Variants in MED12L observed in about 807,000 individuals in gnomAD.
MED12L encodes mediator complex subunit 12L, also known as mediator of RNA polymerase II transcription subunit 12-like protein.
MED12L carries 60 observed loss-of-function variants against 281.3 expected under a neutral mutation model. The observed-to-expected ratio is 0.21, with a 90% CI of 0.17 to 0.26. MED12L has a LOEUF of 0.26. Ranked by LOEUF, MED12L falls within the 10% of genes least tolerant of loss-of-function variation. The pLI, the probability that MED12L is intolerant of heterozygous loss-of-function variation, is 1.00. For synonymous variants in MED12L, 974 were observed against 987.2 expected (o/e 0.99, Z 0.25); for missense variants, 2,146 against 2,680.9 (o/e 0.80, Z 4.41).
intron 5 of MED12L, among the ~76,000 whole-genome samples, chr3:151,141,187 G>GTTTTT (rs76965310): frequency 3.9e-4 from 39 of 99,084 alleles, no homozygotes; most frequent in African/African-American, 1.6e-3. Context: ...TGTTTTTTTT[G>GTTTTT]TTTTTTTTTT....
At chr3:151,179,289 G>A (rs370208865) in intron 11 of MED12L, among the ~76,000 whole-genome samples, 24 of 151,876 alleles carry the variant, frequency 1.6e-4, no homozygotes, top group African/African-American at 5.5e-4. Context: ...GCAGTGAGCC[G>A]AGATTGTACA....
At chr3:151,376,699 G>T (rs1756897071) in intron 28 of MED12L, 101 bp from the exon 29 acceptor site, 1 of 957,458 alleles carries the variant, frequency 1.0e-6, no homozygotes, top group Non-Finnish European at 1.6e-6. Flanking sequence ...CATTGTGTAT[G>T]ATTATTCTGC....
At chr3:151,147,060 A>G (rs1446429447) in intron 5 of MED12L, among the ~76,000 whole-genome samples, 1 of 152,222 alleles carries the variant, frequency 6.6e-6, no homozygotes, top group Non-Finnish European at 1.5e-5. Context: ...ATAGGGTACA[A>G]CTGATTAACT....
chr3:151,412,840 G>C (rs749583220), intron 41 of MED12L, among the ~76,000 whole-genome samples: 2 of 152,182 alleles, frequency 1.3e-5, no homozygotes, highest in South Asian at 4.1e-4. Flanking sequence ...CAGACCTTTA[G>C]TACAGTGCCT....
chr3:151,194,184 C>G (rs1221001), intron 16 of MED12L, among the ~76,000 whole-genome samples: 66,421 of 151,872 alleles, frequency 0.44, 16,871 homozygotes, highest in Non-Finnish European at 0.56. Flanking sequence ...GCAGGCTGGT[C>G]TCGAACTCCT....
At chr3:151,380,308 T>G (rs1460622964) in intron 32 of MED12L, 84 bp downstream of exon 32, 1 of 931,624 alleles carries the variant, frequency 1.1e-6, no homozygotes, top group African/African-American at 1.7e-5. Flanking sequence ...GAGATTAAAT[T>G]AATAAGGGCC....
intron 16 of MED12L, among the ~76,000 whole-genome samples, chr3:151,288,552 T>C (rs181575362): frequency 6.6e-6 from 1 of 152,370 alleles, no homozygotes; most frequent in East Asian, 1.9e-4. Context: ...GATCCAAGCA[T>C]TTGACCACTT....
At chr3:151,321,559 A>T (rs1749001666) in intron 16 of MED12L, among the ~76,000 whole-genome samples, 1 of 152,232 alleles carries the variant, frequency 6.6e-6, no homozygotes, top group South Asian at 2.1e-4. Flanking sequence ...TACATTAGAT[A>T]CAATTAAGAT....
rs150794195 is a variant in MED12L at position 151,252,364 on chromosome 3, G to A, written c.2250+58698G>A. On this transcript the variant is annotated intron_variant, in intron 16 of 44. Transcript: ENST00000687756. Reference sequence around the variant, plus strand: ...TCATATCCTATTGCTCATGGTCATCGCTAAGATCTGATTTTTCATAGAAAA... The same window carrying A: ...TCATATCCTATTGCTCATGGTCATCACTAAGATCTGATTTTTCATAGAAAA... Among the ~76,000 whole-genome samples the A allele has an allele frequency of 2.7e-3, 417 of 152,120 alleles. 1 individual carries two copies. Among genetic ancestry groups the A allele is most frequent in the African/African-American group, 9.4e-3 (391 of 41,496 alleles).
chr3:151,177,548 C>T (rs926672177), intron 11 of MED12L, among the ~76,000 whole-genome samples: 4 of 152,144 alleles, frequency 2.6e-5, no homozygotes, highest in African/African-American at 9.7e-5. Context: ...CTCACTGTCG[C>T]CTACAATCAT....
At chr3:151,385,720 G>GAA (rs1560110144) in intron 36 of MED12L, among the ~76,000 whole-genome samples, 1 of 58,404 alleles carries the variant, frequency 1.7e-5, no homozygotes, top group African/African-American at 4.0e-5. Context: ...CTCTGGGGGG[G>GAA]GAAAAAAAAA....
At chr3:151,154,966 G>A (rs1576844598) in intron 5 of MED12L, among the ~76,000 whole-genome samples, 1 of 152,156 alleles carries the variant, frequency 6.6e-6, no homozygotes, top group Non-Finnish European at 1.5e-5. Context: ...CAACTCCAGC[G>A]TGCATTTGAA....
Position 151,413,213 on chromosome 3 carries a change from C to G in MED12L, c.6215C>G (p.Pro2072Arg). The G allele has an allele frequency of 6.2e-7, 1 of 1,614,192 alleles. No individual in the cohort carries two copies. The highest frequency in any genetic ancestry group is 8.5e-7 in the Non-Finnish European group (1 of 1,180,026). Residue 2072 changes from proline (P) to arginine (R), a missense_variant, in exon 42 of 45, where the codon CCA becomes CGA. Pro to Arg is a moderately radical substitution (Grantham distance 103). This residue lies in a region of MED12L where 496 missense variants were observed against 512.0 expected (regional missense o/e 0.97). Transcript: ENST00000687756. ...GIDAVLTSAH[P>R]NLPSVPLPQD... ...GATGCTGTGCTGACTTCTGCACATCCAAACCTTCCCTCCGTGCCCCTGCCT... is the reference window on the plus strand; with the variant it reads ...GATGCTGTGCTGACTTCTGCACATCGAAACCTTCCCTCCGTGCCCCTGCCT...
chr3:151,092,757 T>G (rs560364144), intron 2 of MED12L, among the ~76,000 whole-genome samples: 1 of 152,156 alleles, frequency 6.6e-6, no homozygotes, highest in Non-Finnish European at 1.5e-5. Context: ...GGGAGATACT[T>G]CATTTCAGAA....
Position 151,086,909 on chromosome 3 carries a change from C to A in MED12L, c.-18C>A. 3.2e-6 allele frequency: 5 copies of A among 1,566,898 alleles called. No homozygotes were observed. The highest frequency in any genetic ancestry group is 4.3e-6 in the Non-Finnish European group (5 of 1,155,992). The stretch of plus-strand genomic sequence containing the variant: ...CAGCTCCAACTCTCATTCATTTCGC[C>A]GGTTAACATGAGAGATCATGGCCGC... On this transcript the variant is annotated 5_prime_UTR_variant, in exon 2 of 45. Transcript: ENST00000687756.
chr3:151,337,925 A>T lies in MED12L; in HGVS notation c.2251-12134A>T, dbSNP rs929420354. 6.2e-7 allele frequency: 1 copy of T among 1,614,110 alleles called. No individual in the cohort carries two copies. The highest frequency in any genetic ancestry group is 1.7e-5 in the Admixed American group (1 of 60,006). On this transcript the variant is annotated intron_variant, in intron 16 of 44. Coordinates refer to ENST00000687756, the MANE Select transcript of MED12L (RefSeq NM_001393769.1). ...GGCACTTCAGCATACTTATCAAGGA[A>T]TTTCTGAAGGACTTGCAAAGGAAAA...
In MED12L at chr3:151,127,359, T is replaced by C. The variant is rs572995255; in HGVS notation, c.397-466T>C. 1.1e-3 allele frequency among the ~76,000 whole-genome samples: 170 copies of C among 152,340 alleles called. 1 individual carries two copies. The highest frequency in any genetic ancestry group is 3.7e-3 in the African/African-American group (154 of 41,572). On this transcript the variant is annotated intron_variant, in intron 4 of 44. Transcript: ENST00000687756. ...AGCTTTCTGGAAATTGTTACTCTTA[T>C]GAAATTTTAATCAGAAAGCTTTGTA...
intron 16 of MED12L, among the ~76,000 whole-genome samples, chr3:151,226,451 A>G (rs957187857): frequency 6.6e-6 from 1 of 152,184 alleles, no homozygotes; most frequent in Non-Finnish European, 1.5e-5. Context: ...AGGGCACCTA[A>G]CACATAGCCA....
At chr3:151,327,746 A>G (rs11712291) in intron 16 of MED12L, 64,251 of 318,824 alleles carry the variant, frequency 0.2, 7,353 homozygotes, top group South Asian at 0.33. Context: ...AAAAAAAAAA[A>G]AAAGAAAGAA....
Sources: allele counts gnomAD v4.1 joint callset (sites outside exome capture counted in the v4.1 genomes callset), GRCh38; gene constraint gnomAD v4.1.1; regional missense constraint gnomAD v4.1.1; transcripts MANE v1.5; gene names NCBI Gene and HGNC (gene_info 2026-07-23, HGNC 2026-07-21).